Variants in EGFR observed in about 807,000 individuals in gnomAD.
EGFR encodes the protein avian erythroblastic leukemia viral (v-erb-b) oncogene homolog.
In EGFR, 58 loss-of-function variants were observed where a neutral mutation model predicts 143.0. That is an observed-to-expected ratio of 0.41 (90% CI 0.33 to 0.50). The LOEUF is 0.50. Ranked by LOEUF, EGFR falls within the 20% of genes least tolerant of loss-of-function variation. The pLI, the probability that EGFR is intolerant of heterozygous loss-of-function variation, is 0.39. For missense variants in EGFR, 1,307 were observed against 1,579.0 expected (o/e 0.83, Z 2.92); for synonymous variants, 613 against 594.4 (o/e 1.03, Z -0.45).
chr7:55,061,703 T>C (rs1453794305), intron 1 of EGFR, among the ~76,000 whole-genome samples: 1 of 151,500 alleles, frequency 6.6e-6, no homozygotes, highest in Non-Finnish European at 1.5e-5. Context: ...TGAAACTTCA[T>C]TTTCCATATG....
chr7:55,048,097 ATAAC>A (rs1788284249), intron 1 of EGFR, among the ~76,000 whole-genome samples: 2 of 152,346 alleles, frequency 1.3e-5, no homozygotes, highest in South Asian at 4.1e-4. Flanking sequence ...ATTACATTAA[ATAAC>A]TAATCATTTA....
intron 1 of EGFR, among the ~76,000 whole-genome samples, chr7:55,058,359 A>G (rs1375359960): frequency 6.6e-6 from 1 of 152,138 alleles, no homozygotes; most frequent in Non-Finnish European, 1.5e-5. Context: ...AAGCCACTGC[A>G]CTTTAGCCTA....
At position 55,172,883 on chromosome 7, in the gene EGFR, A is replaced by G. The variant is rs1584221726; in HGVS notation, c.1920-100A>G. ...GTCTCACTTTCCAAGATCATTCTACAAGATGTCAGTGCACTGAAACATGCA... is the reference window on the plus strand; with the variant it reads ...GTCTCACTTTCCAAGATCATTCTACGAGATGTCAGTGCACTGAAACATGCA... On this transcript the variant is annotated intron_variant, in intron 16 of 27. Coordinates refer to ENST00000275493, the MANE Select transcript of EGFR (RefSeq NM_005228.5). The G allele has an allele frequency of 1.9e-6, 3 of 1,610,524 alleles. No individual in the cohort carries two copies. The highest frequency in any genetic ancestry group is 1.7e-6 in the Non-Finnish European group (2 of 1,179,876).
rs1272444619 is a variant in EGFR, at chr7:55,208,531, C to A, written c.*2914C>A. 3.3e-5 allele frequency: 5 copies of A among 152,222 alleles called. No homozygotes were observed. The highest frequency in any genetic ancestry group is 7.3e-5 in the Non-Finnish European group (5 of 68,088). 9.4% of individuals were successfully genotyped at this position (152,222 alleles called of 1,614,324 possible). A position where few individuals can be genotyped will look rare whatever the true frequency, so the allele number is the denominator to read the frequency against. The stretch of plus-strand genomic sequence containing the variant: ...AGCTCACATTCATAGGTGCCGCCAG[C>A]CTTCGTGCATCTTCTTGCATCATCT... On this transcript the variant is annotated 3_prime_UTR_variant, in exon 28 of 28. Coordinates refer to ENST00000275493, the MANE Select transcript of EGFR (RefSeq NM_005228.5).
At chr7:55,176,848 A>ATTTATATATATTT (rs1786613923) in intron 19 of EGFR, among the ~76,000 whole-genome samples, 2 of 143,722 alleles carry the variant, frequency 1.4e-5, no homozygotes, top group Non-Finnish European at 3.0e-5. Context: ...ATATTTAGAG[A>ATTTATATATATTT]GATATATATT....
chr7:55,154,332 C>G lies in EGFR; in HGVS notation c.889+180C>G, dbSNP rs41402045. 6.6e-4 allele frequency among the ~76,000 whole-genome samples: 101 copies of G among 152,304 alleles called. 1 individual carries two copies. Among genetic ancestry groups the G allele is most frequent in the African/African-American group, 2.1e-3 (89 of 41,580 alleles). On this transcript the variant is annotated intron_variant, in intron 7 of 27. Coordinates refer to ENST00000275493, the MANE Select transcript of EGFR (RefSeq NM_005228.5). The stretch of plus-strand genomic sequence containing the variant: ...GCGAGGGGAGGGGCTGGCTTGCTAC[C>G]GAGGAGCGGGCAGGTGGTGGCCATC...
chr7:55,152,150 T>G (rs746542425), intron 5 of EGFR, among the ~76,000 whole-genome samples: 1 of 152,168 alleles, frequency 6.6e-6, no homozygotes, highest in Non-Finnish European at 1.5e-5. Context: ...AGCCTCTCAG[T>G]GGCCAAGGAA....
intron 1 of EGFR, among the ~76,000 whole-genome samples, chr7:55,092,766 C>T (rs142387450): frequency 1.5e-3 from 233 of 152,346 alleles, no homozygotes; most frequent in Middle Eastern, 6.8e-3. Context: ...CGGCCTGCCC[C>T]GGCGTCAGCC....
intron 1 of EGFR, among the ~76,000 whole-genome samples, chr7:55,103,183 G>A (rs895922642): frequency 6.6e-6 from 1 of 152,096 alleles, no homozygotes; most frequent in Non-Finnish European, 1.5e-5. Context: ...CTTCTTTGAG[G>A]CATCCTCTGT....
intron 1 of EGFR, among the ~76,000 whole-genome samples, chr7:55,045,654 C>A (rs1788142715): frequency 6.6e-6 from 1 of 152,106 alleles, no homozygotes; most frequent in Non-Finnish European, 1.5e-5. Flanking sequence ...CCTCACCTGT[C>A]GAGTGTCAAC....
intron 1 of EGFR, among the ~76,000 whole-genome samples, chr7:55,021,156 T>C (rs2128855618): frequency 6.6e-6 from 1 of 152,286 alleles, no homozygotes. Context: ...TAGAGTGTGA[T>C]TCCAATAATA....
At chr7:55,099,536 C>T (rs978646460) in intron 1 of EGFR, among the ~76,000 whole-genome samples, 9 of 152,300 alleles carry the variant, frequency 5.9e-5, no homozygotes, top group African/African-American at 1.7e-4. Flanking sequence ...AATTCGGGAG[C>T]TGGTTGGAAA....
intron 5 of EGFR, 31 bp from the exon 6 acceptor site, chr7:55,152,515 C>G: frequency 1.3e-6 from 2 of 1,591,202 alleles, no homozygotes; most frequent in Non-Finnish European, 1.7e-6. Flanking sequence ...CCTCACTCTT[C>G]AGCTCACAGG....
intron 23 of EGFR, 82 bp from the exon 24 acceptor site, chr7:55,200,234 C>T (rs745938928): frequency 3.8e-6 from 5 of 1,318,774 alleles, no homozygotes; most frequent in Admixed American, 1.7e-5. Flanking sequence ...TGTCGCATCA[C>T]CAATGCCTTC....
chr7:55,160,733 G>C (rs1346251598), intron 12 of EGFR, among the ~76,000 whole-genome samples: 3 of 152,220 alleles, frequency 2.0e-5, no homozygotes, highest in African/African-American at 7.2e-5. Flanking sequence ...TGGCTCTAGA[G>C]CCTCAGCTTT....
chr7:55,047,191 G>A (rs993073439), intron 1 of EGFR, among the ~76,000 whole-genome samples: 3 of 152,210 alleles, frequency 2.0e-5, no homozygotes, highest in Non-Finnish European at 1.5e-5. Flanking sequence ...ATGGCTGCAG[G>A]CAAGGTCTGC....
At chr7:55,110,128 CT>C (rs1210351307) in intron 1 of EGFR, among the ~76,000 whole-genome samples, 1 of 151,750 alleles carries the variant, frequency 6.6e-6, no homozygotes, top group Non-Finnish European at 1.5e-5. Context: ...AAGTTTTGAG[CT>C]TTTTTTTAAT....
At chr7:55,045,139 T>C (rs1412932110) in intron 1 of EGFR, among the ~76,000 whole-genome samples, 1 of 152,206 alleles carries the variant, frequency 6.6e-6, no homozygotes, top group Non-Finnish European at 1.5e-5. Context: ...AATAAGTAAG[T>C]TATGGAGTTG....
chr7:55,094,029 G>A (rs1791292964), intron 1 of EGFR, among the ~76,000 whole-genome samples: 1 of 152,180 alleles, frequency 6.6e-6, no homozygotes, highest in Non-Finnish European at 1.5e-5. Context: ...TAGAGCGTGT[G>A]TAACGTAAAA....
Sources: allele counts gnomAD v4.1 joint callset (sites outside exome capture counted in the v4.1 genomes callset), GRCh38; gene constraint gnomAD v4.1.1; transcripts MANE v1.5; gene names NCBI Gene and HGNC (gene_info 2026-07-23, HGNC 2026-07-21).